FBXL5: variants seen among roughly 807,000 people sequenced by gnomAD.
FBXL5 encodes F-box/LRR-repeat protein 5.
A neutral mutation model predicts 78.3 loss-of-function variants in FBXL5; 26 were observed. The observed-to-expected ratio is 0.33, with a 90% CI of 0.24 to 0.46. The LOEUF is 0.46. Ranked by LOEUF, FBXL5 falls within the 20% of genes least tolerant of loss-of-function variation. FBXL5 has a pLI of 1.00. For missense variants in FBXL5, 710 were observed against 829.2 expected (o/e 0.86, Z 1.77); for synonymous variants, 295 against 282.5 (o/e 1.04, Z -0.45).
At chr4:15,625,230 T>C (rs756515537) in intron 9 of FBXL5, 22 bp downstream of exon 9, 2 of 1,544,562 alleles carry the variant, frequency 1.3e-6, no homozygotes, top group African/African-American at 1.6e-5. Context: ...TATTTCTTAA[T>C]ATTCTGGAAC....
At chr4:15,661,871 G>C (rs4279203), upstream of FBXL5, among the ~76,000 whole-genome samples, 33,812 of 152,124 alleles carry the variant, frequency 0.22, 4,090 homozygotes, top group Admixed American at 0.28. Context: ...TGAAGGATCT[G>C]CTTTCAGGTT....
intron 8 of FBXL5, among the ~76,000 whole-genome samples, chr4:15,626,272 T>C (rs1484247943): frequency 6.6e-6 from 1 of 152,182 alleles, no homozygotes; most frequent in Non-Finnish European, 1.5e-5. Context: ...GAAGTAAGGC[T>C]GCAAACACAT....
chr4:15,649,244 A>AT (rs1243864893), intron 1 of FBXL5, among the ~76,000 whole-genome samples: 1 of 152,174 alleles, frequency 6.6e-6, no homozygotes, highest in Non-Finnish European at 1.5e-5. Context: ...AAGTGCAAAC[A>AT]TTTTTAACCC....
chr4:15,619,598 G>A (rs547727037), intron 9 of FBXL5, among the ~76,000 whole-genome samples: 1 of 152,010 alleles, frequency 6.6e-6, no homozygotes, highest in African/African-American at 2.4e-5. Context: ...ATTAGAACAA[G>A]GTAAAAATGT....
At chr4:15,631,599 T>A (rs1713674129) in intron 5 of FBXL5, among the ~76,000 whole-genome samples, 1 of 152,238 alleles carries the variant, frequency 6.6e-6, no homozygotes, top group Non-Finnish European at 1.5e-5. Flanking sequence ...GACTTTTTAA[T>A]GATCGCCATT....
At chr4:15,626,119 A>C in intron 8 of FBXL5, 142 bp from the exon 9 acceptor site, 1 of 811,516 alleles carries the variant, frequency 1.2e-6, no homozygotes, top group East Asian at 2.8e-5. Flanking sequence ...TCTATTGTTA[A>C]GGTACTATTC....
At chr4:15,628,519 G>GA (rs1713293892) in intron 6 of FBXL5, among the ~76,000 whole-genome samples, 1 of 151,914 alleles carries the variant, frequency 6.6e-6, no homozygotes, top group Non-Finnish European at 1.5e-5. Context: ...TCGAAAAAAG[G>GA]AAAAAACACA....
At position 15,605,656 on chromosome 4, in the gene FBXL5, A is replaced by G; in HGVS notation, c.*67T>C. ...GGATGGTTAACACAAGAAATGTGCT[A>G]TGAGTAAAGTGCATGAAAGAAAGCC... is the stretch of plus-strand genomic sequence containing the variant. On this transcript the variant is annotated 3_prime_UTR_variant, in exon 11 of 11. Transcript: ENST00000341285. The G allele has an allele frequency of 1.5e-6, 2 of 1,340,218 alleles. No homozygotes were observed. The highest frequency in any genetic ancestry group is 2.1e-6 in the Non-Finnish European group (2 of 939,044). 83.0% of individuals were successfully genotyped at this position (1,340,218 alleles called of 1,614,324 possible).
intron 10 of FBXL5, among the ~76,000 whole-genome samples, chr4:15,610,774 C>T (rs544858261): frequency 1.3e-5 from 2 of 152,014 alleles, no homozygotes; most frequent in Non-Finnish European, 2.9e-5. Flanking sequence ...AGATTTATTC[C>T]AAAGCATAAC....
In FBXL5 at chr4:15,604,486, AT is replaced by A. The variant is rs1352916712; in HGVS notation, c.*1236del. ...GCCACAGATCACCACAACAGATTTAATAATAGTGAAAAACTATGAAATACTC... is the reference window on the plus strand; with the variant it reads ...GCCACAGATCACCACAACAGATTTAAAATAGTGAAAAACTATGAAATACTC... On this transcript the variant is annotated 3_prime_UTR_variant, in exon 11 of 11. Coordinates refer to ENST00000341285, the MANE Select transcript of FBXL5 (RefSeq NM_012161.4). The A allele has an allele frequency of 6.6e-6, 1 of 151,164 alleles. No homozygotes were observed. Among genetic ancestry groups the A allele is most frequent in the African/African-American group, 2.5e-5 (1 of 40,488 alleles). 9.4% of individuals were successfully genotyped at this position (151,164 alleles called of 1,614,324 possible). A position where few individuals can be genotyped will look rare whatever the true frequency, so the allele number is the denominator to read the frequency against.
chr4:15,653,106 AT>A (rs138019288), intron 1 of FBXL5, among the ~76,000 whole-genome samples: 6,256 of 151,282 alleles, frequency 0.041, 278 homozygotes, highest in East Asian at 0.2. Context: ...ATTCCTATGC[AT>A]TTTTTTTTCC....
intron 1 of FBXL5, among the ~76,000 whole-genome samples, chr4:15,674,713 G>A (rs1464304298): frequency 1.3e-5 from 2 of 150,800 alleles, no homozygotes; most frequent in Non-Finnish European, 1.5e-5. Context: ...GCAGTGACGC[G>A]ATCTTGGCTC....
At chr4:15,621,542 G>A (rs1298642571) in intron 9 of FBXL5, among the ~76,000 whole-genome samples, 1 of 152,100 alleles carries the variant, frequency 6.6e-6, no homozygotes, top group East Asian at 1.9e-4. Context: ...ACATAATGTG[G>A]TATATAAAAA....
At chr4:15,621,511 T>A (rs1712476917) in intron 9 of FBXL5, among the ~76,000 whole-genome samples, 1 of 152,190 alleles carries the variant, frequency 6.6e-6, no homozygotes, top group African/African-American at 2.4e-5. Context: ...ACAACCTCAG[T>A]GTTCATCAAC....
intron 1 of FBXL5, among the ~76,000 whole-genome samples, chr4:15,653,483 T>C (rs1420475583): frequency 6.6e-6 from 1 of 152,174 alleles, no homozygotes. Context: ...CACAATCATC[T>C]GGAAATCGAT....
upstream of FBXL5, among the ~76,000 whole-genome samples, chr4:15,664,025 T>C (rs553347238): frequency 3.3e-5 from 5 of 152,298 alleles, no homozygotes; most frequent in Admixed American, 6.5e-5. Flanking sequence ...TTAAAGAAGC[T>C]ACATAATTTG....
upstream of FBXL5, chr4:15,655,424 G>A: frequency 2.0e-6 from 2 of 993,192 alleles, no homozygotes; most frequent in Non-Finnish European, 2.4e-6. Flanking sequence ...GGCTTGGCCG[G>A]CGGGGACGCG....
At chr4:15,622,905 G>A (rs975875548) in intron 9 of FBXL5, among the ~76,000 whole-genome samples, 5 of 152,106 alleles carry the variant, frequency 3.3e-5, no homozygotes, top group Non-Finnish European at 4.4e-5. Context: ...TCACATGCAA[G>A]CTCTTCACTA....
chr4:15,647,286 A>AC (rs71179645), intron 1 of FBXL5, among the ~76,000 whole-genome samples: 137 of 150,492 alleles, frequency 9.1e-4, no homozygotes, highest in African/African-American at 3.2e-3. Context: ...AACAACAACA[A>AC]AAAACAATAT....
Sources: gnomAD v4.1 joint callset for allele counts (sites outside exome capture counted in the v4.1 genomes callset) on GRCh38, gnomAD v4.1.1 for gene constraint, MANE v1.5 for transcripts, NCBI Gene and HGNC (gene_info 2026-07-23, HGNC 2026-07-21) for gene names.